Variants in FHIT observed in about 807,000 individuals in gnomAD.
The protein encoded by FHIT is fragile histidine triad diadenosine triphosphatase.
In FHIT, 19 loss-of-function variants were observed where a neutral mutation model predicts 17.9. The observed-to-expected ratio is 1.06, with a 90% CI of 0.74 to 1.56. FHIT has a LOEUF of 1.56. Among genes scored for constraint, FHIT ranks in the 40% most tolerant of loss-of-function variants. FHIT has a pLI of 0.00. For missense variants in FHIT, 248 were observed against 189.2 expected, an observed-to-expected ratio of 1.31 and a Z score of -1.82; for synonymous variants, 81 against 69.7, an observed-to-expected ratio of 1.16 and a Z score of -0.81.
chr3:60,531,720 G>A (rs1352322351), intron 5 of FHIT, among the ~76,000 whole-genome samples: 42 of 152,206 alleles, frequency 2.8e-4, no homozygotes, highest in Non-Finnish European at 8.8e-5. Flanking sequence ...GCGCTTTTAT[G>A]TATAGCATCT....
chr3:60,966,470 G>A (rs746527934), intron 3 of FHIT, among the ~76,000 whole-genome samples: 13 of 152,280 alleles, frequency 8.5e-5, no homozygotes, highest in South Asian at 2.1e-4. Flanking sequence ...GAGATGAACC[G>A]GGTACCTCAA....
chr3:60,327,403 T>C (rs866266975), intron 5 of FHIT, among the ~76,000 whole-genome samples: 1 of 152,198 alleles, frequency 6.6e-6, no homozygotes. Flanking sequence ...GCTGTGCAGC[T>C]ACTTAGCTCT....
intron 1 of FHIT, among the ~76,000 whole-genome samples, chr3:61,211,619 C>A (rs530026907): frequency 1.5e-3 from 223 of 152,330 alleles, no homozygotes; most frequent in African/African-American, 4.9e-3. Context: ...CTGCAGACTT[C>A]AATGTCCCTG....
At chr3:60,130,768 G>T (rs868142773) in intron 5 of FHIT, among the ~76,000 whole-genome samples, 1 of 296 alleles carries the variant, frequency 3.4e-3, no homozygotes, top group East Asian at 0.056. Flanking sequence ...GTGTGTGTTT[G>T]TGTGTGTGTG....
At chr3:60,479,088 G>C in intron 5 of FHIT, among the ~76,000 whole-genome samples, 1 of 152,196 alleles carries the variant, frequency 6.6e-6, no homozygotes, top group Non-Finnish European at 1.5e-5. Flanking sequence ...AGGGAGAAAA[G>C]AGATTTGAAA....
At chr3:60,300,512 T>A (rs1708413722) in intron 5 of FHIT, among the ~76,000 whole-genome samples, 1 of 152,108 alleles carries the variant, frequency 6.6e-6, no homozygotes, top group South Asian at 2.1e-4. Context: ...CATATTTTGT[T>A]TTGTTTTGTT....
chr3:60,117,332 G>A (rs1209451279), intron 5 of FHIT, among the ~76,000 whole-genome samples: 1 of 152,046 alleles, frequency 6.6e-6, no homozygotes, highest in South Asian at 2.1e-4. Flanking sequence ...AGAAAATATG[G>A]AAGTTCAAAT....
intron 5 of FHIT, among the ~76,000 whole-genome samples, chr3:60,421,358 T>C (rs1280134244): frequency 2.6e-5 from 4 of 152,260 alleles, no homozygotes; most frequent in Non-Finnish European, 5.9e-5. Context: ...ACTCGCATGT[T>C]TATCGATTGA....
At position 60,984,394 on chromosome 3, in the gene FHIT, C is replaced by T. The variant is rs924184855; in HGVS notation, c.-111+57653G>A. On this transcript the variant is annotated intron_variant, in intron 3 of 9. Transcript: ENST00000492590. Reference sequence around the variant, plus strand: ...TCATTTCTACTGACCCTTCATTCCACCCCCACCTACCAATACACCCACCCA... The same window carrying T: ...TCATTTCTACTGACCCTTCATTCCATCCCCACCTACCAATACACCCACCCA... 2.2e-4 allele frequency among the ~76,000 whole-genome samples: 34 copies of T among 152,288 alleles called. 1 individual carries two copies. The highest frequency in any genetic ancestry group is 1.5e-3 in the Admixed American group (23 of 15,294).
intron 2 of FHIT, among the ~76,000 whole-genome samples, chr3:61,105,819 A>T (rs2035973371): frequency 6.6e-6 from 1 of 152,242 alleles, no homozygotes; most frequent in African/African-American, 2.4e-5. Flanking sequence ...CTACTGGAGA[A>T]TTGCAGAATA....
intron 3 of FHIT, among the ~76,000 whole-genome samples, chr3:60,854,796 T>C (rs1008397334): frequency 6.6e-6 from 1 of 152,120 alleles, no homozygotes; most frequent in African/African-American, 2.4e-5. Flanking sequence ...TTCCTAACTG[T>C]AAGAGAGTGT....
chr3:59,883,962 A>C (rs1421690011), intron 8 of FHIT, among the ~76,000 whole-genome samples: 3 of 152,216 alleles, frequency 2.0e-5, no homozygotes, highest in African/African-American at 7.2e-5. Flanking sequence ...CATATGATTG[A>C]CAAATGAGTA....
chr3:60,557,936 G>C (rs2036798057), intron 4 of FHIT, among the ~76,000 whole-genome samples: 1 of 151,852 alleles, frequency 6.6e-6, no homozygotes, highest in Non-Finnish European at 1.5e-5. Flanking sequence ...TTGCACCCTG[G>C]TTTCATTGCA....
rs189831704 is a variant in FHIT, at chr3:61,224,144, C to T, written c.-212-23479G>A. The stretch of plus-strand genomic sequence containing the variant: ...AATAGATCTGGGAAATAAGTAAGGT[C>T]AGTGAAAAACAATATATTGTAGCTG... On this transcript the variant is annotated intron_variant, in intron 1 of 9. Transcript: ENST00000492590. Among the ~76,000 whole-genome samples, 3 of 152,270 alleles carry T rather than the reference C, an allele frequency of 2.0e-5. 1 individual carries two copies. Among genetic ancestry groups the T allele is most frequent in the Admixed American group, 2.0e-4 (3 of 15,298 alleles).
chr3:61,210,061 G>A (rs2039406049), intron 1 of FHIT, among the ~76,000 whole-genome samples: 1 of 152,218 alleles, frequency 6.6e-6, no homozygotes, highest in Admixed American at 6.5e-5. Flanking sequence ...GTCTGTTGGA[G>A]TTTCCTGGGG....
chr3:60,381,816 GTAA>G (rs1700811181), intron 5 of FHIT, among the ~76,000 whole-genome samples: 1 of 65,100 alleles, frequency 1.5e-5, no homozygotes, highest in Non-Finnish European at 2.8e-5. Flanking sequence ...TAATGGCTCT[GTAA>G]CTCTGTAACT....
chr3:60,089,743 C>A (rs1703651454), intron 5 of FHIT, among the ~76,000 whole-genome samples: 1 of 152,132 alleles, frequency 6.6e-6, no homozygotes, highest in Non-Finnish European at 1.5e-5. Context: ...CATCTTGTTT[C>A]TGATGAGGGT....
At chr3:60,845,490 G>C (rs1405623926) in intron 3 of FHIT, among the ~76,000 whole-genome samples, 1 of 152,144 alleles carries the variant, frequency 6.6e-6, no homozygotes, top group African/African-American at 2.4e-5. Flanking sequence ...GGAATTTTAA[G>C]GACAGTTGCC....
intron 4 of FHIT, among the ~76,000 whole-genome samples, chr3:60,801,278 G>T (rs1701177899): frequency 6.6e-6 from 1 of 152,150 alleles, no homozygotes; most frequent in Admixed American, 6.6e-5. Flanking sequence ...CACTCCCAAG[G>T]TGGTAGAAAA....
Sources: gnomAD v4.1 joint callset for allele counts (sites outside exome capture counted in the v4.1 genomes callset) on GRCh38, gnomAD v4.1.1 for gene constraint, MANE v1.5 for transcripts, NCBI Gene and HGNC (gene_info 2026-07-23, HGNC 2026-07-21) for gene names.